ADGRE3: variants seen among roughly 807,000 people sequenced by gnomAD.
ADGRE3 encodes EGF-like module receptor 3.
A neutral mutation model predicts 80.1 loss-of-function variants in ADGRE3; 88 were observed. That is an observed-to-expected ratio of 1.10 (90% CI 0.93 to 1.31). The LOEUF is 1.31. ADGRE3 is among the 40% of genes most tolerant of loss of function. The probability of loss-of-function intolerance (pLI) is 0.00; values close to 1 mark genes in which losing one functional copy is unlikely to be tolerated. For synonymous variants in ADGRE3, 281 were observed against 294.8 expected (o/e 0.95, Z 0.48); for missense variants, 715 against 776.5 (o/e 0.92, Z 0.94).
chr19:14,617,777 A>G (rs2075091181), downstream of ADGRE3, among the ~76,000 whole-genome samples: 1 of 151,972 alleles, frequency 6.6e-6, no homozygotes, highest in Admixed American at 6.6e-5. Context: ...CCAAGATTTT[A>G]ATCTTTTGGC....
At chr19:14,626,412 G>T (rs1011955532) in intron 14 of ADGRE3, among the ~76,000 whole-genome samples, 1 of 152,004 alleles carries the variant, frequency 6.6e-6, no homozygotes, top group South Asian at 2.1e-4. Flanking sequence ...ACTCCAGCCT[G>T]GGAGACAGAG....
chr19:14,640,342 T>A (rs1971214649), intron 10 of ADGRE3, among the ~76,000 whole-genome samples: 2 of 151,944 alleles, frequency 1.3e-5, no homozygotes. Context: ...CAGGCTGGAG[T>A]GCAATGGCGC....
chr19:14,620,457 A>G (rs372957783), intron 15 of ADGRE3, among the ~76,000 whole-genome samples: 1 of 136,134 alleles, frequency 7.3e-6, no homozygotes, highest in Non-Finnish European at 1.6e-5. Context: ...TGTATATATG[A>G]ATATATGAAT....
At chr19:14,653,064 C>A (rs923666067) in intron 6 of ADGRE3, among the ~76,000 whole-genome samples, 1 of 151,878 alleles carries the variant, frequency 6.6e-6, no homozygotes, top group African/African-American at 2.4e-5. Context: ...CTAACTGCAA[C>A]CTCTGTCCCC....
rs1555755785 is a variant in ADGRE3, at chr19:14,636,081, C to CTTTCTTTCTTTTT, written c.1484+2023_1484+2024insAAAAAGAAAGAAA. Among the ~76,000 whole-genome samples, 31 of 24,678 alleles carry CTTTCTTTCTTTTT rather than the reference C, an allele frequency of 1.3e-3. 3 individuals are homozygous for CTTTCTTTCTTTTT. The highest frequency in any genetic ancestry group is 3.7e-3 in the Admixed American group (7 of 1,878). 16.2% of individuals were successfully genotyped at this position (24,678 alleles called of 152,430 possible). On this transcript the variant is annotated intron_variant, in intron 11 of 15. Transcript: ENST00000253673. ...CCTTCCTTTCCTTTCCTTTCCTTTC[C>CTTTCTTTCTTTTT]CTTTCTTTCTTTCTTTCTTTCTTTC... is the stretch of plus-strand genomic sequence containing the variant.
intron 5 of ADGRE3, among the ~76,000 whole-genome samples, chr19:14,656,762 T>C (rs56819877): frequency 0.76 from 115,155 of 152,140 alleles, 43,770 homozygotes; most frequent in East Asian, 0.87. Context: ...GTCCGCAGCT[T>C]GATTTTACAG....
intron 10 of ADGRE3, among the ~76,000 whole-genome samples, chr19:14,638,792 TC>T (rs921771559): frequency 2.0e-5 from 3 of 151,778 alleles, no homozygotes; most frequent in Admixed American, 2.0e-4. Flanking sequence ...CTCATCCACT[TC>T]CCCCCTCAAC....
chr19:14,636,582 C>T (rs1971097701), intron 11 of ADGRE3, among the ~76,000 whole-genome samples: 1 of 152,026 alleles, frequency 6.6e-6, no homozygotes, highest in Non-Finnish European at 1.5e-5. Context: ...CCTTCTGAAG[C>T]CATCCCTATA....
chr19:14,660,011 G>T (rs775789941), intron 4 of ADGRE3, among the ~76,000 whole-genome samples: 2 of 151,914 alleles, frequency 1.3e-5, no homozygotes, highest in Admixed American at 6.6e-5. Context: ...CAAGAACTTT[G>T]ACTTACAACC....
At chr19:14,617,346 CTTT>C (rs2075084312), downstream of ADGRE3, among the ~76,000 whole-genome samples, 4 of 72,666 alleles carry the variant, frequency 5.5e-5, no homozygotes, top group African/African-American at 2.1e-4. Context: ...CCCTCCCTTT[CTTT>C]CTTTCTTTCT....
In ADGRE3 at chr19:14,651,204, G is replaced by T; in HGVS notation, c.578C>A (p.Ala193Asp). 7 of 1,613,970 alleles carry T rather than the reference G, an allele frequency of 4.3e-6. No individual in the cohort carries two copies. Among genetic ancestry groups the T allele is most frequent in the Non-Finnish European group, 5.9e-6 (7 of 1,179,912 alleles). ...KVLKIQNDSV[A>D]IETQAITDNC... ...GTCTGTAATCGCTTGAGTTTCAATA[G>T]CTGGTAAGAAAAGCAATGGGCAGGC... Residue 193 changes from alanine to aspartate, a missense_variant and splice_region_variant, in exon 7 of 16, where the codon GCT (alanine) becomes GAT (aspartate). Transcript: ENST00000253673.
rs575129327 is a variant in ADGRE3, at chr19:14,641,340, A to C, written c.1248+79T>G. 4 of 1,553,668 alleles carry C rather than the reference A, an allele frequency of 2.6e-6. No individual in the cohort carries two copies. In the African/African-American group the frequency reaches 5.4e-5, roughly 21 times the overall value. ...CTACAGACCCAAGGACATTTTATTA[A>C]GGAATCTAGTGCAGCATTGCTCCAT... On this transcript the variant is annotated intron_variant, in intron 10 of 15. Transcript: ENST00000253673.
At chr19:14,609,155 C>T in the ADGRE3 span, among the ~76,000 whole-genome samples, 2 of 152,142 alleles carry the variant, frequency 1.3e-5, no homozygotes, top group African/African-American at 4.8e-5. Context: ...CTATTCTCAG[C>T]TGAATGGGAG....
Position 14,641,560 on chromosome 19 carries a change from C to T in ADGRE3, c.1107G>A (p.Leu369=), listed in dbSNP as rs937382848. The change falls in exon 10 of 16, where the codon CTG becomes CTA. Residue 369 remains leucine, a synonymous_variant. Coordinates refer to ENST00000253673, the MANE Select transcript of ADGRE3 (RefSeq NM_032571.5). ...ITYVGLSVSL[L]CLLLAALTFL... ...AAGTGAGGGCCGCCAGGAGGAGGCACAGCAGAGAGACGCTCAGCCCCACGT... is the reference window on the plus strand; with the variant it reads ...AAGTGAGGGCCGCCAGGAGGAGGCATAGCAGAGAGACGCTCAGCCCCACGT... 6.2e-7 allele frequency: 1 copy of T among 1,614,168 alleles called. No homozygotes were observed. Among genetic ancestry groups the T allele is most frequent in the East Asian group, 2.2e-5 (1 of 44,874 alleles).
downstream of ADGRE3, among the ~76,000 whole-genome samples, chr19:14,614,857 T>A (rs1698147247): frequency 6.6e-6 from 1 of 150,888 alleles, no homozygotes; most frequent in Non-Finnish European, 1.5e-5. Flanking sequence ...GTGCTGGGAT[T>A]ATAGGTGTGA....
At chr19:14,674,372 C>T (rs1972335052) in intron 1 of ADGRE3, among the ~76,000 whole-genome samples, 1 of 152,030 alleles carries the variant, frequency 6.6e-6, no homozygotes, top group Non-Finnish European at 1.5e-5. Flanking sequence ...TGATGTGTGC[C>T]TGTAATCCCA....
rs563461867 is a variant in ADGRE3, at chr19:14,625,346, C to T, written c.1920+146G>A. ...GCAAACCACCATGGCACACGTTTAC[C>T]TATGTAACAAACCTGCACATGTAAC... is the stretch of plus-strand genomic sequence containing the variant. On this transcript the variant is annotated intron_variant, in intron 15 of 15. Coordinates refer to ENST00000253673, the MANE Select transcript of ADGRE3 (RefSeq NM_032571.5). 1,518 of 614,036 alleles carry T rather than the reference C, an allele frequency of 2.5e-3. 11 individuals carry two copies. Among genetic ancestry groups the T allele is most frequent in the Middle Eastern group, 0.021 (49 of 2,284 alleles). The allele number at this position is 614,036 out of a possible 1,614,324, so 38.0% of individuals were successfully genotyped here. A position where few individuals can be genotyped will look rare whatever the true frequency, so the allele number is the denominator to read the frequency against.
rs111992696 is a variant in ADGRE3, at chr19:14,672,454, C to A, written c.25+2292G>T. 7.7e-3 allele frequency among the ~76,000 whole-genome samples: 1,171 copies of A among 152,258 alleles called. 13 individuals carry two copies. The highest frequency in any genetic ancestry group is 0.027 in the African/African-American group (1,134 of 41,546). On this transcript the variant is annotated intron_variant, in intron 1 of 15. Transcript: ENST00000253673. ...TATGTGAAATAGGGTGGCAGTATGACCTACTTTGTGGGGTTTTGGAGATGA... is the reference window on the plus strand; with the variant it reads ...TATGTGAAATAGGGTGGCAGTATGAACTACTTTGTGGGGTTTTGGAGATGA...
At chr19:14,618,894 G>A (rs1038057092), downstream of ADGRE3, among the ~76,000 whole-genome samples, 8 of 143,406 alleles carry the variant, frequency 5.6e-5, no homozygotes, top group African/African-American at 2.1e-4. Flanking sequence ...TAGCAAGGAA[G>A]TAAAGCCAGT....
Sources: allele counts gnomAD v4.1 joint callset (sites outside exome capture counted in the v4.1 genomes callset), GRCh38; gene constraint gnomAD v4.1.1; transcripts MANE v1.5; gene names NCBI Gene and HGNC (gene_info 2026-07-23, HGNC 2026-07-21).